The following PHLDB1 variants were observed in gnomAD, a reference collection of about 807,000 sequenced individuals.
PHLDB1 encodes the protein pleckstrin homology-like domain family B member 1.
Under a neutral mutation model 139.3 loss-of-function variants are expected in PHLDB1, and 65 were observed. The observed-to-expected ratio is 0.47, with a 90% CI of 0.38 to 0.57. The LOEUF (loss-of-function observed/expected upper bound fraction) is 0.57. PHLDB1 is among the 20% of genes least tolerant of loss of function. PHLDB1 has a pLI of 0.00. For missense variants in PHLDB1, 1,624 were observed against 1,839.7 expected, an observed-to-expected ratio of 0.88 and a Z score of 2.14; for synonymous variants, 679 against 734.5, an observed-to-expected ratio of 0.92 and a Z score of 1.22.
chr11:118,654,554 T>A (rs946867166), intron 20 of PHLDB1: 20 of 152,130 alleles, frequency 1.3e-4, no homozygotes, highest in African/African-American at 4.8e-4. Flanking sequence ...AAATACTTTT[T>A]CTTGCACAAA....
chr11:118,631,365 G>C lies in PHLDB1; in HGVS notation c.1986G>C (p.Gly662=). ...CACGAGGCCTTGCAGGGGCCTCTGG[G>C]CGGAGCAGCGAGGAGCCTGGCGTTG... ...RPSRGLAGAS[G]RSSEEPGVAT... is the part of the protein sequence containing the mutation. Residue 662 remains glycine (G), a synonymous_variant, in exon 7 of 23, where the codon GGG becomes GGC. Coordinates refer to ENST00000600882, the MANE Select transcript of PHLDB1 (RefSeq NM_001144758.3). 6.5e-7 allele frequency: 1 copy of C among 1,530,816 alleles called. No individual in the cohort carries two copies. The highest frequency in any genetic ancestry group is 8.8e-7 in the Non-Finnish European group (1 of 1,140,524). 94.8% of individuals were successfully genotyped at this position (1,530,816 alleles called of 1,614,324 possible). A position where few individuals can be genotyped will look rare whatever the true frequency, so the allele number is the denominator to read the frequency against.
At chr11:118,638,819 G>A (rs1946053251) in intron 10 of PHLDB1, 72 bp from the exon 11 acceptor site, 9 of 1,147,748 alleles carry the variant, frequency 7.8e-6, no homozygotes, top group Non-Finnish European at 1.1e-5. Context: ...CTGGGCAGGA[G>A]AGCCAGCTAG....
Position 118,650,601 on chromosome 11 carries a change from A to G in PHLDB1, c.3874+54A>G. 2 of 1,244,066 alleles carry G rather than the reference A, an allele frequency of 1.6e-6. No individual in the cohort carries two copies. The highest frequency in any genetic ancestry group is 2.4e-6 in the Non-Finnish European group (2 of 843,822). The allele number at this position is 1,244,066 out of a possible 1,614,324, so 77.1% of individuals were successfully genotyped here. On this transcript the variant is annotated intron_variant, in intron 20 of 22. Coordinates refer to ENST00000600882, the MANE Select transcript of PHLDB1 (RefSeq NM_001144758.3). The surrounding 1 kb of genome is among the most constrained non-coding windows in gnomAD (Gnocchi z 4.7). ...CCAGCCAGGATCCCTGGGCTCTGTT[A>G]CCCAGGACGGCTGGTCTTCTAGAAG...
chr11:118,644,809 G>T (rs1246758499), intron 15 of PHLDB1: 1 of 548,414 alleles, frequency 1.8e-6, no homozygotes, highest in Non-Finnish European at 2.9e-6. Context: ...GCTGAGCTGG[G>T]TTGGGGTGTC....
rs145090703 is a variant in PHLDB1 at position 118,628,169 on chromosome 11, G to A, written c.1346G>A (p.Arg449Gln). 3.7e-4 allele frequency: 602 copies of A among 1,614,064 alleles called. 6 individuals are homozygous for A. In the South Asian group the frequency reaches 5.9e-3, roughly 16 times the overall value. Residue 449 changes from arginine to glutamine, a missense_variant, in exon 6 of 23, where the codon CGG becomes CAG. By Grantham distance (43) the Arg-to-Gln change is conservative (BLOSUM62 1). Transcript: ENST00000600882. ...CCTGAGAGTCCCCGCCTGGGCCGGC[G>A]GGGCCTGGACAGTATGCGAGAACTA... is the stretch of plus-strand genomic sequence containing the variant. ...QPPESPRLGR[R>Q]GLDSMRELPP...
rs781813941 is a variant in PHLDB1 at position 118,628,606 on chromosome 11, C to T, written c.1783C>T (p.Arg595Ter). ...GGACGACCTCCTGGAGTACCACCGG[C>T]GACAGCGCCAAGAGCGGCTCCGGGA... ...NEDDLLEYHR[R>*]QRQERLREQE... The change falls in exon 6 of 23, where the codon CGA (arginine) becomes TGA (stop). Residue 595 changes from arginine (R) to a stop codon, truncating the protein, a stop_gained. Coordinates refer to ENST00000600882, the MANE Select transcript of PHLDB1 (RefSeq NM_001144758.3). LOFTEE classifies it high-confidence loss of function. 2.5e-6 allele frequency: 4 copies of T among 1,612,426 alleles called. No individual in the cohort carries two copies. The highest frequency in any genetic ancestry group is 1.1e-5 in the South Asian group (1 of 90,946).
At chr11:118,609,162 A>G (rs111064612) in intron 1 of PHLDB1, among the ~76,000 whole-genome samples, 4,171 of 97,546 alleles carry the variant, frequency 0.043, 85 homozygotes, top group Non-Finnish European at 0.065. Context: ...AGCTCACACA[A>G]GCAGCCCGTC....
In PHLDB1 at chr11:118,632,729, C is replaced by A; in HGVS notation, c.2379+433C>A. On this transcript the variant is annotated intron_variant, in intron 9 of 22. Coordinates refer to ENST00000600882, the MANE Select transcript of PHLDB1 (RefSeq NM_001144758.3). The surrounding 1 kb of genome is among the most constrained non-coding windows in gnomAD (Gnocchi z 5.9). ...TGATCTTTGGGAGATGGCCCTCGGG[C>A]CTCTGCTTCCCTTGAGCCTTCAGGA... 7.3e-6 allele frequency: 2 copies of A among 273,288 alleles called. No individual in the cohort carries two copies. The highest frequency in any genetic ancestry group is 1.2e-5 in the Non-Finnish European group (2 of 172,832). The allele number at this position is 273,288 out of a possible 1,614,324, so 16.9% of individuals were successfully genotyped here.
At chr11:118,636,098 GC>G (rs1945597069) in intron 10 of PHLDB1, among the ~76,000 whole-genome samples, 1 of 152,198 alleles carries the variant, frequency 6.6e-6, no homozygotes, top group African/African-American at 2.4e-5. Flanking sequence ...CTTGATCTCA[GC>G]CAGACCACAG....
intron 12 of PHLDB1, chr11:118,641,783 A>AGGTT (rs1246777835): frequency 1.6e-6 from 2 of 1,287,260 alleles, no homozygotes; most frequent in African/African-American, 3.0e-5. Flanking sequence ...CCTTCACCTA[A>AGGTT]GGTTGGTGGT....
intron 18 of PHLDB1, among the ~76,000 whole-genome samples, chr11:118,649,122 A>G (rs535498539): frequency 6.6e-6 from 1 of 152,260 alleles, no homozygotes; most frequent in South Asian, 2.1e-4. Context: ...TCTACAAAAA[A>G]TACAAAAATT....
At chr11:118,614,716 C>A in intron 3 of PHLDB1, 34 bp downstream of exon 3, 2 of 1,608,578 alleles carry the variant, frequency 1.2e-6, no homozygotes. Flanking sequence ...CTCACCACCC[C>A]TCTATCCTTA....
intron 9 of PHLDB1, chr11:118,634,810 G>T: frequency 8.1e-6 from 2 of 245,802 alleles, no homozygotes; most frequent in South Asian, 3.3e-5. Flanking sequence ...ATTCTGTCCC[G>T]CCCTGGCCGC....
intron 4 of PHLDB1, among the ~76,000 whole-genome samples, chr11:118,622,166 CT>C (rs1591519343): frequency 6.6e-6 from 1 of 152,188 alleles, no homozygotes; most frequent in Admixed American, 6.5e-5. Flanking sequence ...CTGATCCCCC[CT>C]GGGCATGGGG....
rs2135941492 is a variant in PHLDB1 at position 118,620,804 on chromosome 11, C to A, written c.356-4130C>A. 6.6e-6 allele frequency among the ~76,000 whole-genome samples: 1 copy of A among 152,222 alleles called. No homozygotes were observed. The highest frequency in any genetic ancestry group is 1.9e-4 in the East Asian group (1 of 5,178). On this transcript the variant is annotated intron_variant, in intron 4 of 22. Transcript: ENST00000600882. This position sits in a 1 kb window ranked among gnomAD's most constrained non-coding sequence, Gnocchi z 4.1. ...AGGTGGGCTGAGTGCTTGCATTGTA[C>A]AGAGCACTGCTTTGGCCTGAACTCC...
Position 118,624,951 on chromosome 11 carries a change from G to C in PHLDB1, c.373G>C (p.Gly125Arg). 1 of 1,613,918 alleles carries C rather than the reference G, an allele frequency of 6.2e-7. No homozygotes were observed. Among genetic ancestry groups the C allele is most frequent in the Non-Finnish European group, 8.5e-7 (1 of 1,179,950 alleles). Residue 125 changes from glycine (G) to arginine (R), a missense_variant, in exon 5 of 23, where the codon GGT (glycine) becomes CGT (arginine). Coordinates refer to ENST00000600882, the MANE Select transcript of PHLDB1 (RefSeq NM_001144758.3). ...CTCTGCAGGCTGCATGTTGTGCCTG[G>C]GTCAGTCCACCTTCCTTCGCTTTAA... is the stretch of plus-strand genomic sequence containing the variant. Reference protein sequence around the residue: ...RLTQGCMLCLGQSTFLRFNHP... With the variant: ...RLTQGCMLCLRQSTFLRFNHP...
chr11:118,631,318 G>T lies in PHLDB1; in HGVS notation c.1939G>T (p.Ala647Ser). ...PSIGEATAALALAGRRPSRGL... is the reference protein window; with the variant it reads ...PSIGEATAALSLAGRRPSRGL... ...CATTGGGGAGGCCACCGCAGCATTG[G>T]CACTGGCAGGCCGGAGGCCCTCACG... The change falls in exon 7 of 23, where the codon GCA (alanine) becomes TCA (serine). Residue 647 changes from alanine to serine, a missense_variant. Physicochemically the swap from Ala to Ser is moderately conservative, Grantham distance 99. Transcript: ENST00000600882. 6.5e-7 allele frequency: 1 copy of T among 1,546,088 alleles called. No individual in the cohort carries two copies. The highest frequency in any genetic ancestry group is 8.7e-7 in the Non-Finnish European group (1 of 1,149,442).
chr11:118,638,789 T>TTCACCTGAGCCTTGAGTGTC (rs1249613803), intron 10 of PHLDB1, 102 bp from the exon 11 acceptor site: 45 of 842,752 alleles, frequency 5.3e-5, no homozygotes, highest in East Asian at 4.8e-4. Flanking sequence ...GTTGATCCCC[T>TTCACCTGAGCCTTGAGTGTC]TCACCTGAGC....
At position 118,627,425 on chromosome 11, in the gene PHLDB1, T is replaced by C. The variant is rs782347415; in HGVS notation, c.602T>C (p.Met201Thr). The C allele has an allele frequency of 8.1e-6, 13 of 1,614,082 alleles. No individual in the cohort carries two copies. In the African/African-American group the frequency reaches 1.6e-4, roughly 20 times the overall value. The change falls in exon 6 of 23, where the codon ATG (methionine) becomes ACG (threonine). Residue 201 changes from methionine (M) to threonine (T), a missense_variant. Transcript: ENST00000600882. ...SSIEKDLQEI[M>T]DSLVLEEPGA... ...ATTGAGAAGGACCTGCAAGAGATCA[T>C]GGACTCACTGGTGCTAGAGGAGCCT...
Sources: allele counts gnomAD v4.1 joint callset (sites outside exome capture counted in the v4.1 genomes callset), GRCh38; gene constraint gnomAD v4.1.1; non-coding constraint Gnocchi (gnomAD v3.1); transcripts MANE v1.5; gene names NCBI Gene and HGNC (gene_info 2026-07-23, HGNC 2026-07-21).